The following AGO3 variants were observed in gnomAD, a reference collection of about 807,000 sequenced individuals.
AGO3 encodes the protein argonaute RISC catalytic component 3, also known as protein argonaute-3.
In AGO3, 16 loss-of-function variants were observed where a neutral mutation model predicts 105.5. That is an observed-to-expected ratio of 0.15 (90% CI 0.10 to 0.23). The LOEUF is 0.23. AGO3 is among the 10% of genes least tolerant of loss of function. The pLI, the probability that AGO3 is intolerant of heterozygous loss-of-function variation, is 1.00. For missense variants in AGO3, 534 were observed against 1,088.0 expected, an observed-to-expected ratio of 0.49 and a Z score of 7.16; for synonymous variants, 340 against 367.3, an observed-to-expected ratio of 0.93 and a Z score of 0.85.
In AGO3 at chr1:35,931,233, G is replaced by A. The variant is rs1646039581; in HGVS notation, c.-194G>A. On this transcript the variant is annotated 5_prime_UTR_variant, in exon 1 of 19. In the 5' UTR this introduces an upstream ATG that the reference lacks. Transcript: ENST00000373191. ...TCTCCCCTTCCTCTCGCCTAGTCCT[G>A]TGCCGTTTTCCGTCCGCGACTCTTC... The A allele has an allele frequency of 4.5e-6, 2 of 446,420 alleles. No homozygotes were observed. The highest frequency in any genetic ancestry group is 8.0e-6 in the Non-Finnish European group (2 of 249,064). The allele number at this position is 446,420 out of a possible 1,614,324, so 27.7% of individuals were successfully genotyped here. A position where few individuals can be genotyped will look rare whatever the true frequency, so the allele number is the denominator to read the frequency against.
At chr1:36,039,492 CAAAAAAAAAAAA>C (rs1048314282) in intron 14 of AGO3, among the ~76,000 whole-genome samples, 1 of 55,662 alleles carries the variant, frequency 1.8e-5, no homozygotes, top group South Asian at 6.9e-4. Flanking sequence ...GACTGCGTCT[CAAAAAAAAAAAA>C]AAAAAAAAAA....
At chr1:35,933,954 A>T (rs145585652) in intron 1 of AGO3, among the ~76,000 whole-genome samples, 2 of 152,172 alleles carry the variant, frequency 1.3e-5, no homozygotes, top group African/African-American at 2.4e-5. Context: ...CTTTTTAAGG[A>T]TATCTTGTGC....
chr1:36,012,993 G>T (rs998297178), intron 9 of AGO3, among the ~76,000 whole-genome samples: 1 of 151,758 alleles, frequency 6.6e-6, no homozygotes, highest in African/African-American at 2.4e-5. Flanking sequence ...CTGGAGTACA[G>T]TGGTGCAATC....
chr1:36,044,034 A>G (rs1319075700), intron 17 of AGO3, among the ~76,000 whole-genome samples: 2 of 152,206 alleles, frequency 1.3e-5, no homozygotes, highest in African/African-American at 2.4e-5. Context: ...ATGTACTAGT[A>G]GTATTAAGCA....
intron 5 of AGO3, chr1:35,982,877 G>A (rs1434395582): frequency 1.6e-5 from 7 of 441,072 alleles, no homozygotes; most frequent in Non-Finnish European, 2.8e-5. Flanking sequence ...TGAAAGAATT[G>A]TTTTTGCAAA....
intron 2 of AGO3, among the ~76,000 whole-genome samples, chr1:35,946,787 C>A (rs890758452): frequency 2.6e-5 from 4 of 152,200 alleles, no homozygotes; most frequent in Non-Finnish European, 5.9e-5. Context: ...TTAAAAACAA[C>A]AACACCTCTA....
intron 5 of AGO3, among the ~76,000 whole-genome samples, chr1:35,974,058 A>G (rs959665376): frequency 1.3e-5 from 2 of 152,172 alleles, no homozygotes; most frequent in Non-Finnish European, 2.9e-5. Flanking sequence ...TTCTTCCTCT[A>G]CAGTAGTGTT....
chr1:36,009,295 T>G (rs1640480324), intron 8 of AGO3, 180 bp from the exon 9 acceptor site: 2 of 802,646 alleles, frequency 2.5e-6, no homozygotes, highest in Non-Finnish European at 3.8e-6. Flanking sequence ...GTGTACATTT[T>G]ACTTAATTAT....
At chr1:35,937,930 G>C (rs908052165) in intron 1 of AGO3, among the ~76,000 whole-genome samples, 1 of 147,116 alleles carries the variant, frequency 6.8e-6, no homozygotes, top group Admixed American at 6.7e-5. Flanking sequence ...CATTAAGTCA[G>C]ATTTTGAGAT....
At chr1:35,978,341 C>A (rs896058202) in intron 5 of AGO3, among the ~76,000 whole-genome samples, 5 of 152,064 alleles carry the variant, frequency 3.3e-5, no homozygotes, top group Admixed American at 6.5e-5. Context: ...AGGTGCATGC[C>A]ACGACACCCA....
intron 14 of AGO3, among the ~76,000 whole-genome samples, chr1:36,037,815 A>T (rs1410595137): frequency 6.6e-6 from 1 of 152,192 alleles, no homozygotes; most frequent in Non-Finnish European, 1.5e-5. Flanking sequence ...ATAAAATGAT[A>T]AAGAAAGGAA....
intron 12 of AGO3, among the ~76,000 whole-genome samples, chr1:36,028,562 A>G (rs919198930): frequency 6.6e-6 from 1 of 152,062 alleles, no homozygotes; most frequent in Non-Finnish European, 1.5e-5. Context: ...ATGTCCCTAC[A>G]GAGGACATGA....
At chr1:35,931,927 C>G (rs1032063496) in intron 1 of AGO3, among the ~76,000 whole-genome samples, 1 of 152,184 alleles carries the variant, frequency 6.6e-6, no homozygotes, top group Non-Finnish European at 1.5e-5. Flanking sequence ...GGCATTGCTC[C>G]TACCCTCGAG....
At chr1:35,932,460 A>G (rs1331588837) in intron 1 of AGO3, among the ~76,000 whole-genome samples, 1 of 152,342 alleles carries the variant, frequency 6.6e-6, no homozygotes, top group Non-Finnish European at 1.5e-5. Context: ...AACCAGTGAC[A>G]TAACGATAGC....
rs1201917234 is a variant in AGO3, at chr1:36,065,641, G to A, written c.*9896G>A. 6.6e-6 allele frequency: 1 copy of A among 152,088 alleles called. No homozygotes were observed. Among genetic ancestry groups the A allele is most frequent in the Non-Finnish European group, 1.5e-5 (1 of 68,100 alleles). 9.4% of individuals were successfully genotyped at this position (152,088 alleles called of 1,614,324 possible). ...ATACAAACAAAAAAAGGTGCCTCTGGTCCTGTGTTTTCTTTTTCCTTCTGA... is the reference window on the plus strand; with the variant it reads ...ATACAAACAAAAAAAGGTGCCTCTGATCCTGTGTTTTCTTTTTCCTTCTGA... On this transcript the variant is annotated 3_prime_UTR_variant, in exon 19 of 19. Coordinates refer to ENST00000373191, the MANE Select transcript of AGO3 (RefSeq NM_024852.4).
intron 1 of AGO3, among the ~76,000 whole-genome samples, chr1:35,940,657 G>A (rs1270500909): frequency 6.6e-6 from 1 of 152,124 alleles, no homozygotes; most frequent in Non-Finnish European, 1.5e-5. Flanking sequence ...TTTGTCCCTA[G>A]CACTTGACTG....
intron 11 of AGO3, among the ~76,000 whole-genome samples, chr1:36,018,379 T>C (rs1569810596): frequency 6.6e-6 from 1 of 152,126 alleles, no homozygotes; most frequent in African/African-American, 2.4e-5. Flanking sequence ...CTCACCCACA[T>C]TGGCCCTTCA....
At position 36,027,390 on chromosome 1, in the gene AGO3, A is replaced by C; in HGVS notation, c.1591+92A>C. The C allele has an allele frequency of 8.5e-7, 1 of 1,179,636 alleles. No homozygotes were observed. The highest frequency in any genetic ancestry group is 1.2e-6 in the Non-Finnish European group (1 of 869,392). The allele number at this position is 1,179,636 out of a possible 1,614,324, so 73.1% of individuals were successfully genotyped here. A position where few individuals can be genotyped will look rare whatever the true frequency, so the allele number is the denominator to read the frequency against. ...ATATCCTAAAACTTTCAAATATTAA[A>C]ATATATTTTATGATACAGTATTTAA... On this transcript the variant is annotated intron_variant, in intron 12 of 18. Coordinates refer to ENST00000373191, the MANE Select transcript of AGO3 (RefSeq NM_024852.4). The surrounding 1 kb of genome is among the most constrained non-coding windows in gnomAD (Gnocchi z 4.0).
At chr1:35,995,199 T>TAAAAAA (rs1295296314) in intron 5 of AGO3, among the ~76,000 whole-genome samples, 3 of 110,636 alleles carry the variant, frequency 2.7e-5, no homozygotes, top group African/African-American at 8.2e-5. Context: ...AGACACTGTC[T>TAAAAAA]AAAAAAAAAA....
Sources: allele counts gnomAD v4.1 joint callset (sites outside exome capture counted in the v4.1 genomes callset), GRCh38; gene constraint gnomAD v4.1.1; non-coding constraint Gnocchi (gnomAD v3.1); transcripts MANE v1.5; gene names NCBI Gene and HGNC (gene_info 2026-07-23, HGNC 2026-07-21).